The following ZNF383 variants were observed in gnomAD, a reference collection of about 807,000 sequenced individuals.
The protein encoded by ZNF383 is zinc finger protein 383.
Under a neutral mutation model 44.2 loss-of-function variants are expected in ZNF383, and 32 were observed. The observed-to-expected ratio is 0.72, with a 90% CI of 0.55 to 0.97. The LOEUF (loss-of-function observed/expected upper bound fraction) is 0.97. Ranked by LOEUF, ZNF383 falls within the 50% of genes least tolerant of loss-of-function variation. The pLI is 0.00. For missense variants in ZNF383, 487 were observed against 562.5 expected, an observed-to-expected ratio of 0.87 and a Z score of 1.36; for synonymous variants, 155 against 186.2, an observed-to-expected ratio of 0.83 and a Z score of 1.36.
intron 1 of ZNF383, among the ~76,000 whole-genome samples, chr19:37,222,381 C>CT (rs559164725): frequency 5.3e-5 from 8 of 151,794 alleles, no homozygotes; most frequent in African/African-American, 9.7e-5. Context: ...GAATATAACA[C>CT]TTTTTTTTGT....
Position 37,232,188 on chromosome 19 carries a change from C to A in ZNF383, c.9+1726C>A, listed in dbSNP as rs532598536. Reference sequence around the variant, plus strand: ...CCTCCCAGGTTCAAGCAATTCTCTGCCTCAGCCTCTCGAGTAGCTGTGACC... The same window carrying A: ...CCTCCCAGGTTCAAGCAATTCTCTGACTCAGCCTCTCGAGTAGCTGTGACC... On this transcript the variant is annotated intron_variant, in intron 3 of 5. Coordinates refer to ENST00000684119, the MANE Select transcript of ZNF383 (RefSeq NM_001387601.1). Among the ~76,000 whole-genome samples, 4 of 151,930 alleles carry A rather than the reference C, an allele frequency of 2.6e-5. No individual in the cohort carries two copies. In the South Asian group the frequency reaches 8.3e-4, roughly 32 times the overall value.
chr19:37,229,788 A>G (rs1032164420), intron 2 of ZNF383, among the ~76,000 whole-genome samples: 2,613 of 111,444 alleles, frequency 0.023, 74 homozygotes, highest in African/African-American at 0.1. Flanking sequence ...ATGTGTGTGT[A>G]TATATATATA....
intron 2 of ZNF383, among the ~76,000 whole-genome samples, chr19:37,228,847 C>T (rs1293347724): frequency 6.6e-6 from 1 of 152,072 alleles, no homozygotes; most frequent in East Asian, 1.9e-4. Flanking sequence ...TAATCCTTCT[C>T]TAATTATTGT....
At chr19:37,229,631 T>C (rs1973360640) in intron 2 of ZNF383, among the ~76,000 whole-genome samples, 1 of 144,502 alleles carries the variant, frequency 6.9e-6, no homozygotes, top group Non-Finnish European at 1.5e-5. Flanking sequence ...TGTGTGTGTG[T>C]GTATATATAT....
At chr19:37,230,503 A>T (rs201548946) in intron 3 of ZNF383, 41 bp downstream of exon 3, 35 of 344,126 alleles carry the variant, frequency 1.0e-4, no homozygotes, top group South Asian at 1.0e-4. Context: ...CATTTAGTTT[A>T]AAAAAAAAAA....
rs1974429581 is a variant in ZNF383 at position 37,247,979 on chromosome 19, AC to A, written c.*4316del. The A allele has an allele frequency of 6.6e-6, 1 of 152,172 alleles. No homozygotes were observed. The highest frequency in any genetic ancestry group is 1.5e-5 in the Non-Finnish European group (1 of 68,076). 9.4% of individuals were successfully genotyped at this position (152,172 alleles called of 1,614,324 possible). ...GAGAAACCCTGTCTCTACTAAAAAT[AC>A]AAAAAATTAGCCGGGCGTGGTGGCT... On this transcript the variant is annotated 3_prime_UTR_variant, in exon 6 of 6. Coordinates refer to ENST00000684119, the MANE Select transcript of ZNF383 (RefSeq NM_001387601.1).
In ZNF383 at chr19:37,247,527, C is replaced by G. The variant is rs558669721; in HGVS notation, c.*3863C>G. 1 of 152,042 alleles carries G rather than the reference C, an allele frequency of 6.6e-6. No individual in the cohort carries two copies. The highest frequency in any genetic ancestry group is 1.5e-5 in the Non-Finnish European group (1 of 68,030). The allele number at this position is 152,042 out of a possible 1,614,324, so 9.4% of individuals were successfully genotyped here. The stretch of plus-strand genomic sequence containing the variant: ...ATATTATGCTGTGTGAATTTGATCT[C>G]AATTTAAAAACTTAAGGCTGGTTGC... On this transcript the variant is annotated 3_prime_UTR_variant, in exon 6 of 6. Transcript: ENST00000684119.
At chr19:37,231,400 C>A (rs1313885500) in intron 3 of ZNF383, among the ~76,000 whole-genome samples, 2 of 152,098 alleles carry the variant, frequency 1.3e-5, no homozygotes, top group East Asian at 3.9e-4. Context: ...TGGCACATTC[C>A]TGTAGTCCCA....
chr19:37,239,569 A>G (rs929516328), intron 5 of ZNF383, among the ~76,000 whole-genome samples: 17 of 152,170 alleles, frequency 1.1e-4, no homozygotes, highest in Non-Finnish European at 2.2e-4. Context: ...GGTGGGCCCC[A>G]TGATCAAGTG....
intron 5 of ZNF383, among the ~76,000 whole-genome samples, chr19:37,241,975 G>A (rs1974106242): frequency 7.4e-6 from 1 of 134,284 alleles, no homozygotes; most frequent in South Asian, 2.3e-4. Flanking sequence ...ATACTATATA[G>A]TATGTCTATA....
rs757575064 is a variant in ZNF383, at chr19:37,243,173, A to G, written c.937A>G (p.Lys313Glu). 2 of 1,614,172 alleles carry G rather than the reference A, an allele frequency of 1.2e-6. No homozygotes were observed. The highest frequency in any genetic ancestry group is 1.1e-5 in the South Asian group (1 of 91,086). The stretch of plus-strand genomic sequence containing the variant: ...TACAGGTGAGAAACCCTATGAATGT[A>G]AGGAATGTGGCAAAGCCTTTACCCA... Reference protein sequence around the residue: ...IHTGEKPYECKECGKAFTQSS... With the variant: ...IHTGEKPYECEECGKAFTQSS... The change falls in exon 6 of 6, where the codon AAG becomes GAG. Residue 313 changes from lysine (K) to glutamate (E), a missense_variant. Transcript: ENST00000684119.
At chr19:37,241,400 T>G (rs1335843500) in intron 5 of ZNF383, among the ~76,000 whole-genome samples, 2 of 152,178 alleles carry the variant, frequency 1.3e-5, no homozygotes, top group Non-Finnish European at 2.9e-5. Context: ...AGCTACAGTT[T>G]TATTAGGATA....
At chr19:37,218,781 C>CT (rs1568516737) in intron 1 of ZNF383, among the ~76,000 whole-genome samples, 3 of 151,998 alleles carry the variant, frequency 2.0e-5, no homozygotes, top group African/African-American at 7.3e-5. Flanking sequence ...AGCACTGTGT[C>CT]TGCGGTTGGA....
chr19:37,242,777 C>G lies in ZNF383; in HGVS notation c.541C>G (p.Gln181Glu), dbSNP rs1974182977. The G allele has an allele frequency of 1.9e-6, 3 of 1,613,976 alleles. No homozygotes were observed. Among genetic ancestry groups the G allele is most frequent in the Non-Finnish European group, 2.5e-6 (3 of 1,179,976 alleles). ...TAAGAAATGTGGAAAGGCCTTTAGT[C>G]AGAACTCACAATTTATTCAACATCA... ...ECKKCGKAFS[Q>E]NSQFIQHQRI... Residue 181 changes from glutamine (Q) to glutamate (E), a missense_variant, in exon 6 of 6, where the codon CAG becomes GAG. Physicochemically the swap from Gln to Glu is conservative, Grantham distance 29 (BLOSUM62 2). Coordinates refer to ENST00000684119, the MANE Select transcript of ZNF383 (RefSeq NM_001387601.1).
chr19:37,229,458 C>CT (rs569416608), intron 2 of ZNF383, among the ~76,000 whole-genome samples: 1,964 of 123,952 alleles, frequency 0.016, 43 homozygotes, highest in African/African-American at 0.04. Context: ...CTGCACCCAG[C>CT]TTTTTTTTTT....
chr19:37,237,781 G>T (rs1480050186), intron 5 of ZNF383, among the ~76,000 whole-genome samples: 5 of 151,942 alleles, frequency 3.3e-5, no homozygotes, highest in Admixed American at 2.6e-4. Flanking sequence ...AAGCCCCTTC[G>T]TAAGAGCACC....
intron 2 of ZNF383, among the ~76,000 whole-genome samples, chr19:37,225,846 A>G (rs1036526424): frequency 1.5e-4 from 23 of 150,464 alleles, no homozygotes; most frequent in African/African-American, 5.6e-4. Context: ...CTGGAGTGCA[A>G]TGGTGCGATC....
intron 2 of ZNF383, among the ~76,000 whole-genome samples, chr19:37,229,079 A>C (rs1196856805): frequency 6.6e-6 from 1 of 151,858 alleles, no homozygotes; most frequent in Non-Finnish European, 1.5e-5. Context: ...GGAGACTCTT[A>C]AAAGGAGTTC....
At chr19:37,220,567 T>TG (rs199904903) in intron 1 of ZNF383, among the ~76,000 whole-genome samples, 1,354 of 125,326 alleles carry the variant, frequency 0.011, 25 homozygotes, top group African/African-American at 0.047. Context: ...TTGTTTTTTT[T>TG]TTTGTTGTTG....
Sources: allele counts gnomAD v4.1 joint callset (sites outside exome capture counted in the v4.1 genomes callset), GRCh38; gene constraint gnomAD v4.1.1; transcripts MANE v1.5; gene names NCBI Gene and HGNC (gene_info 2026-07-23, HGNC 2026-07-21).